The following FREM1 variants were observed in gnomAD, a reference collection of about 807,000 sequenced individuals.
FREM1 encodes FRAS1-related extracellular matrix protein 1.
Under a neutral mutation model 210.1 loss-of-function variants are expected in FREM1, and 220 were observed. That is an observed-to-expected ratio of 1.05 (90% CI 0.94 to 1.17). FREM1 has a LOEUF of 1.17. Ranked by LOEUF, FREM1 falls within the 50% of genes most tolerant of loss-of-function variation. The pLI is 0.00. For missense variants in FREM1, 3,454 were observed against 2,675.5 expected (o/e 1.29, Z -6.42); for synonymous variants, 1,189 against 980.2 (o/e 1.21, Z -3.98).
At position 14,821,243 on chromosome 9, in the gene FREM1, C is replaced by G. The variant is rs7039386; in HGVS notation, c.2338-1801G>C. 5.1e-3 allele frequency among the ~76,000 whole-genome samples: 774 copies of G among 151,946 alleles called. 3 individuals carry two copies. Among genetic ancestry groups the G allele is most frequent in the Middle Eastern group, 0.014 (4 of 294 alleles). On this transcript the variant is annotated intron_variant, in intron 13 of 36. Coordinates refer to ENST00000380880, the MANE Select transcript of FREM1 (RefSeq NM_001379081.2). ...TTAATTTTGTTTCTAATATCCTCAG[C>G]TTTTTGAGGGACTATTTCATTTGCC...
chr9:14,753,380 T>A (rs116773177), intron 29 of FREM1, among the ~76,000 whole-genome samples: 228 of 152,376 alleles, frequency 1.5e-3, no homozygotes, highest in African/African-American at 5.1e-3. Flanking sequence ...CAATTAAGAA[T>A]GCTGCAAGCC....
chr9:14,826,743 A>T (rs1284965697), intron 10 of FREM1, among the ~76,000 whole-genome samples: 1 of 152,154 alleles, frequency 6.6e-6, no homozygotes, highest in Non-Finnish European at 1.5e-5. Flanking sequence ...TCATGAATGA[A>T]CTTGTGCCTT....
At chr9:14,793,876 C>T (rs2133106037) in intron 21 of FREM1, among the ~76,000 whole-genome samples, 1 of 152,318 alleles carries the variant, frequency 6.6e-6, no homozygotes, top group Admixed American at 6.5e-5. Context: ...CTGACATCTT[C>T]CCTCGCAGTG....
chr9:14,764,277 T>TA (rs1219489702), intron 27 of FREM1, among the ~76,000 whole-genome samples: 1 of 152,256 alleles, frequency 6.6e-6, no homozygotes, highest in Non-Finnish European at 1.5e-5. Flanking sequence ...TTTTTCTTTA[T>TA]AAATTACCCA....
At chr9:14,745,828 T>C (rs7851860) in intron 35 of FREM1, among the ~76,000 whole-genome samples, 20 of 152,360 alleles carry the variant, frequency 1.3e-4, no homozygotes, top group Admixed American at 3.9e-4. Flanking sequence ...TTATCCTTTA[T>C]TGAATGTTCT....
chr9:14,887,847 G>A (rs1406051341), intron 1 of FREM1, among the ~76,000 whole-genome samples: 1 of 151,950 alleles, frequency 6.6e-6, no homozygotes, highest in African/African-American at 2.4e-5. Flanking sequence ...TGACATAATG[G>A]AGTGCAGTGG....
chr9:14,817,124 C>A (rs957368631), intron 14 of FREM1, among the ~76,000 whole-genome samples: 1 of 152,172 alleles, frequency 6.6e-6, no homozygotes, highest in Non-Finnish European at 1.5e-5. Context: ...AATTAAAAAG[C>A]AGCCCTTCAA....
In FREM1 at chr9:14,910,309, G is replaced by GCTAGCCC. The variant is rs1442739537; in HGVS notation, c.-670_-664dup. On this transcript the variant is annotated 5_prime_UTR_variant, in exon 1 of 37. Coordinates refer to ENST00000380880, the MANE Select transcript of FREM1 (RefSeq NM_001379081.2). Reference sequence around the variant, plus strand: ...CCGACCTCCCTGGCGGACAGCCACCGCTAGCCCCGTGCCTTCTGCTGGTTG... The same window carrying GCTAGCCC: ...CCGACCTCCCTGGCGGACAGCCACCGCTAGCCCCTAGCCCCGTGCCTTCTGCTGGTTG... 1.1e-4 allele frequency: 16 copies of GCTAGCCC among 152,258 alleles called. No individual in the cohort carries two copies. Among genetic ancestry groups the GCTAGCCC allele is most frequent in the Non-Finnish European group, 2.1e-4 (14 of 68,098 alleles). The allele number at this position is 152,258 out of a possible 1,614,324, so 9.4% of individuals were successfully genotyped here. A position where few individuals can be genotyped will look rare whatever the true frequency, so the allele number is the denominator to read the frequency against.
intron 10 of FREM1, among the ~76,000 whole-genome samples, chr9:14,834,457 A>G (rs1049595155): frequency 6.6e-6 from 1 of 152,256 alleles, no homozygotes; most frequent in African/African-American, 2.4e-5. Flanking sequence ...TCAAATTGAT[A>G]AAGATAAAAT....
Position 14,863,869 on chromosome 9 carries a change from T to C in FREM1, c.269A>G (p.Lys90Arg), listed in dbSNP as rs376440201. 1.9e-6 allele frequency: 3 copies of C among 1,612,994 alleles called. No individual in the cohort carries two copies. Among genetic ancestry groups the C allele is most frequent in the South Asian group, 2.2e-5 (2 of 91,040 alleles). The part of the protein sequence containing the change: ...FDCHFLPNEV[K>R]YVHNGCPILD... ...AATTGGACAACCATTGTGAACATACTTGACTTCGTTGGGAAGGAAATGGCA... is the reference window on the plus strand; with the variant it reads ...AATTGGACAACCATTGTGAACATACCTGACTTCGTTGGGAAGGAAATGGCA... The change falls in exon 3 of 37, where the codon AAG becomes AGG. Residue 90 changes from lysine to arginine, a missense_variant. Physicochemically the swap from Lys to Arg is conservative, Grantham distance 26. Transcript: ENST00000380880.
rs1831021705 is a variant in FREM1 at position 14,863,829 on chromosome 9, TG to T, written c.308del (p.Thr103LysfsTer2). Reference protein sequence around the residue: ...HNGCPILDEDTVKLRLYRFTE... With the variant: ...HNGCPILDEDXVKLRLYRFTE... ...CTTACCTGTAAAGTCTGAGCTTCAC[TG>T]TGTCTTCATCAAGAATTGGACAACC... On this transcript the variant is annotated frameshift_variant, in exon 3 of 37. Transcript: ENST00000380880. LOFTEE classifies it high-confidence loss of function. 8 of 1,612,236 alleles carry T rather than the reference TG, an allele frequency of 5.0e-6. No homozygotes were observed. The highest frequency in any genetic ancestry group is 5.9e-6 in the Non-Finnish European group (7 of 1,178,360).
At chr9:14,810,665 T>C (rs1172538400) in intron 16 of FREM1, among the ~76,000 whole-genome samples, 1 of 152,200 alleles carries the variant, frequency 6.6e-6, no homozygotes, top group Non-Finnish European at 1.5e-5. Context: ...TACTAAAACA[T>C]CTTTATAATA....
At chr9:14,744,429 C>G (rs1204765882) in intron 35 of FREM1, among the ~76,000 whole-genome samples, 1 of 152,022 alleles carries the variant, frequency 6.6e-6, no homozygotes, top group Admixed American at 6.6e-5. Flanking sequence ...CCAAAGATAA[C>G]AATTTTTTAT....
At position 14,737,302 on chromosome 9, in the gene FREM1, T is replaced by A. The variant is rs1415415365; in HGVS notation, c.*94A>T. ...GAATCACAAAGGTATACCCACTCAA[T>A]CATAACAATTTGTTTTCTATGGAGC... On this transcript the variant is annotated 3_prime_UTR_variant, in exon 37 of 37. Transcript: ENST00000380880. 4 of 868,508 alleles carry A rather than the reference T, an allele frequency of 4.6e-6. No individual in the cohort carries two copies. 53.8% of individuals were successfully genotyped at this position (868,508 alleles called of 1,614,324 possible).
At chr9:14,765,303 T>A (rs1587810215) in intron 27 of FREM1, among the ~76,000 whole-genome samples, 2 of 152,200 alleles carry the variant, frequency 1.3e-5, no homozygotes, top group African/African-American at 2.4e-5. Context: ...AGAGGCAGCA[T>A]AGTGTGCACC....
At chr9:14,752,475 G>A (rs1276776244) in intron 29 of FREM1, among the ~76,000 whole-genome samples, 1 of 152,146 alleles carries the variant, frequency 6.6e-6, no homozygotes, top group Non-Finnish European at 1.5e-5. Flanking sequence ...TGGGCACCTG[G>A]CCAGATTCAG....
At chr9:14,807,565 A>G (rs1005312723) in intron 17 of FREM1, among the ~76,000 whole-genome samples, 6 of 152,138 alleles carry the variant, frequency 3.9e-5, no homozygotes, top group Non-Finnish European at 5.9e-5. Flanking sequence ...ATTATTATGG[A>G]TAAAATAAAT....
At chr9:14,861,975 T>A (rs1830680601) in intron 3 of FREM1, among the ~76,000 whole-genome samples, 1 of 152,208 alleles carries the variant, frequency 6.6e-6, no homozygotes, top group African/African-American at 2.4e-5. Flanking sequence ...TCCCTGCAAC[T>A]CCCCACTACC....
At position 14,863,789 on chromosome 9, in the gene FREM1, G is replaced by A. The variant is rs763469694; in HGVS notation, c.329+20C>T. On this transcript the variant is annotated intron_variant, in intron 3 of 36. Coordinates refer to ENST00000380880, the MANE Select transcript of FREM1 (RefSeq NM_001379081.2). ...AATGGTTACTTGGCAGCAAATGAGC[G>A]ATGTTCCCGTGCCGCTTACCTGTAA... The A allele has an allele frequency of 8.1e-6, 12 of 1,484,440 alleles. No homozygotes were observed. The East Asian group carries it at 1.4e-4, about 17-fold the overall frequency. 92.0% of individuals were successfully genotyped at this position (1,484,440 alleles called of 1,614,324 possible).
Sources: allele counts gnomAD v4.1 joint callset (sites outside exome capture counted in the v4.1 genomes callset), GRCh38; gene constraint gnomAD v4.1.1; transcripts MANE v1.5; gene names NCBI Gene and HGNC (gene_info 2026-07-23, HGNC 2026-07-21).